Variants in ATP11B observed in about 807,000 individuals in gnomAD.
The protein encoded by ATP11B is ATPase phospholipid transporting 11B (putative).
A neutral mutation model predicts 157.8 loss-of-function variants in ATP11B; 81 were observed. That is an observed-to-expected ratio of 0.51 (90% CI 0.43 to 0.62). The LOEUF (loss-of-function observed/expected upper bound fraction) is 0.62, where lower values mean the gene tolerates loss of function less well. Among genes scored for constraint, ATP11B ranks in the 20% least tolerant of loss-of-function variants. The pLI, the probability that ATP11B is intolerant of heterozygous loss-of-function variation, is 0.00. For synonymous variants in ATP11B, 451 were observed against 469.4 expected (o/e 0.96, Z 0.51); for missense variants, 1,165 against 1,402.2 (o/e 0.83, Z 2.70).
intron 25 of ATP11B, among the ~76,000 whole-genome samples, chr3:182,895,112 C>CAA (rs368282275): frequency 1.4e-3 from 97 of 68,044 alleles, no homozygotes; most frequent in Non-Finnish European, 2.0e-3. Context: ...GACCCTGACT[C>CAA]AAAAAAAAAA....
chr3:182,902,027 G>A (rs929762415), intron 28 of ATP11B, among the ~76,000 whole-genome samples: 1 of 151,948 alleles, frequency 6.6e-6, no homozygotes, highest in Non-Finnish European at 1.5e-5. Context: ...TGGGGTTGGT[G>A]TGTTTTTTCC....
intron 28 of ATP11B, among the ~76,000 whole-genome samples, chr3:182,900,853 C>T (rs1228458805): frequency 6.6e-6 from 1 of 151,698 alleles, no homozygotes; most frequent in Non-Finnish European, 1.5e-5. Flanking sequence ...GGAGACCAGC[C>T]TGGCCAACAT....
chr3:182,911,680 TCTCTC>T (rs141687606), intron 28 of ATP11B, among the ~76,000 whole-genome samples: 1,616 of 152,242 alleles, frequency 0.011, 30 homozygotes, highest in African/African-American at 0.037. Context: ...TGACTTGTCC[TCTCTC>T]CCACCTTCTT....
At chr3:182,889,643 A>G in intron 25 of ATP11B, 95 bp downstream of exon 25, 2 of 1,096,412 alleles carry the variant, frequency 1.8e-6, no homozygotes, top group South Asian at 1.7e-5. Context: ...AAATTACAGA[A>G]CTTCAAGTAT....
chr3:182,868,021 T>C (rs1197055808), intron 15 of ATP11B, among the ~76,000 whole-genome samples: 1 of 152,238 alleles, frequency 6.6e-6, no homozygotes, highest in African/African-American at 2.4e-5. Flanking sequence ...CATTATATTG[T>C]ATCTCATCAT....
chr3:182,864,917 T>G (rs1324360251), intron 12 of ATP11B, among the ~76,000 whole-genome samples: 3 of 152,224 alleles, frequency 2.0e-5, no homozygotes, highest in African/African-American at 7.2e-5. Flanking sequence ...TTTTTTCTTT[T>G]AAACATCGAT....
chr3:182,845,345 A>G lies in ATP11B; in HGVS notation c.705-113A>G, dbSNP rs549401841. The G allele has an allele frequency of 6.7e-6, 6 of 891,472 alleles. No individual in the cohort carries two copies. In the East Asian group the frequency reaches 1.3e-4, roughly 19 times the overall value. 55.2% of individuals were successfully genotyped at this position (891,472 alleles called of 1,614,324 possible). The stretch of plus-strand genomic sequence containing the variant: ...ATAGTAGCTGGGATTTTGGTTTTAT[A>G]TGAAAGTGGTGTTATGGCTATAGCT... On this transcript the variant is annotated intron_variant, in intron 8 of 29. Transcript: ENST00000323116.
intron 2 of ATP11B, among the ~76,000 whole-genome samples, chr3:182,826,312 A>G (rs963714457): frequency 6.6e-6 from 1 of 152,226 alleles, no homozygotes; most frequent in East Asian, 1.9e-4. Flanking sequence ...CCTGAAACCA[A>G]TTACTTTACT....
At chr3:182,893,594 G>A (rs753715191) in intron 25 of ATP11B, among the ~76,000 whole-genome samples, 11 of 151,952 alleles carry the variant, frequency 7.2e-5, no homozygotes, top group Non-Finnish European at 1.5e-4. Context: ...CTCATTAATC[G>A]ATGGCCATTT....
At chr3:182,876,248 A>G (rs925636782) in intron 19 of ATP11B, among the ~76,000 whole-genome samples, 1 of 152,218 alleles carries the variant, frequency 6.6e-6, no homozygotes, top group Non-Finnish European at 1.5e-5. Flanking sequence ...GATTATAAAA[A>G]TAATAAATGT....
chr3:182,803,412 C>T (rs1026789663), intron 1 of ATP11B, among the ~76,000 whole-genome samples: 2 of 152,074 alleles, frequency 1.3e-5, no homozygotes, highest in Non-Finnish European at 2.9e-5. Context: ...GATGCCAATT[C>T]TTTGTTGTAT....
intron 10 of ATP11B, among the ~76,000 whole-genome samples, chr3:182,852,860 A>G (rs180673278): frequency 2.6e-5 from 4 of 152,366 alleles, no homozygotes; most frequent in Admixed American, 2.6e-4. Context: ...TCGAAATGTA[A>G]GACTTAAACA....
chr3:182,807,277 T>C (rs1486295118), intron 1 of ATP11B, among the ~76,000 whole-genome samples: 1 of 151,950 alleles, frequency 6.6e-6, no homozygotes, highest in Non-Finnish European at 1.5e-5. Context: ...GACTACAGAA[T>C]GCATTAGGGG....
intron 1 of ATP11B, among the ~76,000 whole-genome samples, chr3:182,794,080 G>A (rs1165420828): frequency 2.6e-5 from 4 of 152,194 alleles, no homozygotes; most frequent in Non-Finnish European, 5.9e-5. Context: ...GGCTGCTGTG[G>A]CCAGAGGCGG....
At position 182,889,503 on chromosome 3, in the gene ATP11B, C is replaced by G. The variant is rs1017713307; in HGVS notation, c.2937C>G (p.Ser979=). 7 of 1,570,190 alleles carry G rather than the reference C, an allele frequency of 4.5e-6. No homozygotes were observed. Among genetic ancestry groups the G allele is most frequent in the Non-Finnish European group, 6.0e-6 (7 of 1,165,654 alleles). ...ATGCCTTTATTTTCTTTTTTGGATC[C>G]TATTTACTAATAGGGAAAGATACAT... The part of the protein sequence containing the change: ...FSHAFIFFFG[S]YLLIGKDTSL... Residue 979 remains serine (S), a synonymous_variant, in exon 25 of 30, where the codon TCC becomes TCG. Coordinates refer to ENST00000323116, the MANE Select transcript of ATP11B (RefSeq NM_014616.3).
Position 182,873,960 on chromosome 3 carries a change from A to G in ATP11B, c.2197A>G (p.Ile733Val), listed in dbSNP as rs376741377. ...FHRTMNILELINQKSDSECAE... is the reference protein window; with the variant it reads ...FHRTMNILELVNQKSDSECAE... ...TAGAACCATGAACATCCTTGAACTT[A>G]TAAACCAGAAATCAGACAGCGAGTG... is the stretch of plus-strand genomic sequence containing the variant. Residue 733 changes from isoleucine to valine, a missense_variant, in exon 19 of 30, where the codon ATA becomes GTA. Physicochemically the swap from Ile to Val is conservative, Grantham distance 29. This residue lies in a region of ATP11B where 737 missense variants were observed against 930.5 expected (regional missense o/e 0.79). Coordinates refer to ENST00000323116, the MANE Select transcript of ATP11B (RefSeq NM_014616.3). 6.8e-6 allele frequency: 11 copies of G among 1,614,018 alleles called. No homozygotes were observed. The highest frequency in any genetic ancestry group is 1.1e-5 in the South Asian group (1 of 91,086).
At chr3:182,894,953 G>A (rs534812553) in intron 25 of ATP11B, among the ~76,000 whole-genome samples, 1 of 139,220 alleles carries the variant, frequency 7.2e-6, no homozygotes, top group South Asian at 2.4e-4. Context: ...GCCCATCTCT[G>A]TAAAAAATAC....
chr3:182,873,126 T>C (rs1239898414), intron 18 of ATP11B, among the ~76,000 whole-genome samples: 1 of 152,246 alleles, frequency 6.6e-6, no homozygotes, highest in Non-Finnish European at 1.5e-5. Context: ...ATTATAATTA[T>C]TTGTTTAAAG....
intron 4 of ATP11B, among the ~76,000 whole-genome samples, chr3:182,831,071 T>C (rs760508824): frequency 3.3e-5 from 5 of 152,218 alleles, no homozygotes; most frequent in Non-Finnish European, 7.3e-5. Flanking sequence ...CCCAAATTTA[T>C]GTTTATCCTG....
Sources: allele counts gnomAD v4.1 joint callset (sites outside exome capture counted in the v4.1 genomes callset), GRCh38; gene constraint gnomAD v4.1.1; regional missense constraint gnomAD v4.1.1; transcripts MANE v1.5; gene names NCBI Gene and HGNC (gene_info 2026-07-23, HGNC 2026-07-21).